NUP98: variants seen among roughly 807,000 people sequenced by gnomAD.
The protein encoded by NUP98 is nuclear pore complex protein Nup98-Nup96.
In NUP98, 26 loss-of-function variants were observed where a neutral mutation model predicts 191.9. The ratio of observed to expected loss-of-function variants is 0.14; its 90% CI spans 0.10 to 0.19. The LOEUF is 0.19. Ranked by LOEUF, NUP98 falls within the 10% of genes least tolerant of loss-of-function variation. NUP98 has a pLI of 1.00. For synonymous variants in NUP98, 808 were observed against 778.4 expected (o/e 1.04, Z -0.63); for missense variants, 1,941 against 2,178.8 (o/e 0.89, Z 2.17).
intron 31 of NUP98, among the ~76,000 whole-genome samples, chr11:3,679,135 A>C (rs530959476): frequency 6.6e-6 from 1 of 151,904 alleles, no homozygotes. Context: ...AAAAAAAAAA[A>C]AAAAAAAAAC....
intron 3 of NUP98, 32 bp from the exon 4 acceptor site, chr11:3,779,081 A>G: frequency 6.2e-7 from 1 of 1,613,910 alleles, no homozygotes; most frequent in Non-Finnish European, 8.5e-7. Flanking sequence ...GAAAAAGTTA[A>G]GTACATCAGA....
Position 3,719,436 on chromosome 11 carries a change from G to A in NUP98, c.2375C>T (p.Pro792Leu), listed in dbSNP as rs2079310443. The A allele has an allele frequency of 1.3e-6, 2 of 1,598,954 alleles. No individual in the cohort carries two copies. Among genetic ancestry groups the A allele is most frequent in the African/African-American group, 1.4e-5 (1 of 73,924 alleles). Residue 792 changes from proline to leucine, a missense_variant, in exon 18 of 33, where the codon CCA (proline) becomes CTA (leucine). By Grantham distance (98) the Pro-to-Leu change is moderately conservative (BLOSUM62 -3). Coordinates refer to ENST00000324932, the MANE Select transcript of NUP98 (RefSeq NM_016320.5). ...VVVYLDDNQK[P>L]PVGEGLNRKA... ...CCTATTTAGCCCTTCACCCACAGGTGGTTTTTGGTTATCATCTAAGTAGAC... is the reference window on the plus strand; with the variant it reads ...CCTATTTAGCCCTTCACCCACAGGTAGTTTTTGGTTATCATCTAAGTAGAC...
intron 18 of NUP98, among the ~76,000 whole-genome samples, chr11:3,715,135 T>C (rs981826861): frequency 3.3e-5 from 5 of 152,180 alleles, no homozygotes; most frequent in Non-Finnish European, 7.4e-5. Context: ...TTTCTCCACA[T>C]TGGCAGACAC....
At chr11:3,723,918 T>C (rs2079508338) in intron 15 of NUP98, among the ~76,000 whole-genome samples, 1 of 151,692 alleles carries the variant, frequency 6.6e-6, no homozygotes, top group Admixed American at 6.6e-5. Context: ...AAGCACTGTT[T>C]TGAGTACAGG....
intron 26 of NUP98, among the ~76,000 whole-genome samples, chr11:3,694,618 T>C (rs932118496): frequency 1.3e-5 from 2 of 151,926 alleles, no homozygotes; most frequent in Non-Finnish European, 2.9e-5. Flanking sequence ...CAGGTGCCTG[T>C]AGTCTCAGCT....
intron 1 of NUP98, among the ~76,000 whole-genome samples, chr11:3,789,116 T>C (rs766230211): frequency 6.6e-6 from 1 of 152,184 alleles, no homozygotes; most frequent in Non-Finnish European, 1.5e-5. Context: ...ACAATAGGGA[T>C]TGTACAGCCT....
chr11:3,748,676 A>C (rs2080604857), intron 11 of NUP98, among the ~76,000 whole-genome samples: 1 of 152,146 alleles, frequency 6.6e-6, no homozygotes, highest in Non-Finnish European at 1.5e-5. Context: ...CAAAAAAAGA[A>C]AAGCCTTCCT....
Position 3,683,277 on chromosome 11 carries a change from T to A in NUP98, c.4841A>T (p.His1614Leu), listed in dbSNP as rs2078031169. The A allele has an allele frequency of 6.2e-7, 1 of 1,614,012 alleles. No homozygotes were observed. The highest frequency in any genetic ancestry group is 1.3e-5 in the African/African-American group (1 of 74,904). Residue 1614 changes from histidine to leucine, a missense_variant, in exon 30 of 33, where the codon CAC becomes CTC. Coordinates refer to ENST00000324932, the MANE Select transcript of NUP98 (RefSeq NM_016320.5). The stretch of plus-strand genomic sequence containing the variant: ...CTTAAATAAGCAAAGGGCCTCTAAG[T>A]GCTTGTCAGATTCCATGTGTGCTCG... ...AVRAHMESDK[H>L]LEALCLFKAE...
At chr11:3,793,678 G>A (rs984980069) in intron 1 of NUP98, among the ~76,000 whole-genome samples, 3 of 151,994 alleles carry the variant, frequency 2.0e-5, no homozygotes, top group Non-Finnish European at 4.4e-5. Context: ...ATTCCTCAAT[G>A]TGGTAATTAT....
At chr11:3,792,990 A>C (rs984847321) in intron 1 of NUP98, among the ~76,000 whole-genome samples, 2 of 152,166 alleles carry the variant, frequency 1.3e-5, no homozygotes, top group Admixed American at 6.6e-5. Context: ...GTGCACCTGT[A>C]GTCCCAGCAA....
rs543145277 is a variant in NUP98 at position 3,707,643 on chromosome 11, C to T, written c.2743-1016G>A. Among the ~76,000 whole-genome samples the T allele has an allele frequency of 4.5e-4, 67 of 147,390 alleles. 2 individuals are homozygous for T. In the South Asian group the frequency reaches 0.014, roughly 31 times the overall value. On this transcript the variant is annotated intron_variant, in intron 20 of 32. Transcript: ENST00000324932. Reference sequence around the variant, plus strand: ...TGTGCCTGGGATTACAGGCACATGCCTATAATCCCAGCTACTCGGGAGGCA... The same window carrying T: ...TGTGCCTGGGATTACAGGCACATGCTTATAATCCCAGCTACTCGGGAGGCA...
At chr11:3,757,934 T>C (rs922169642) in intron 10 of NUP98, among the ~76,000 whole-genome samples, 1 of 152,166 alleles carries the variant, frequency 6.6e-6, no homozygotes, top group Non-Finnish European at 1.5e-5. Context: ...CAGATTATGA[T>C]AGTTTGTGGC....
intron 14 of NUP98, among the ~76,000 whole-genome samples, chr11:3,729,002 T>C (rs1357342611): frequency 6.6e-6 from 1 of 152,100 alleles, no homozygotes; most frequent in Admixed American, 6.5e-5. Context: ...TGAGACAGGT[T>C]TTGGGTAGAA....
chr11:3,712,768 A>T, intron 19 of NUP98, 40 bp from the exon 20 acceptor site: 1 of 1,591,286 alleles, frequency 6.3e-7, no homozygotes, highest in Non-Finnish European at 8.6e-7. Context: ...CTTAAACATT[A>T]TGCTTTCCCA....
intron 10 of NUP98, among the ~76,000 whole-genome samples, chr11:3,755,178 G>A (rs2080914720): frequency 6.6e-6 from 1 of 152,128 alleles, no homozygotes; most frequent in Admixed American, 6.6e-5. Context: ...ATAAAGCACT[G>A]GGCATGATGG....
chr11:3,770,459 C>T (rs181470740), intron 7 of NUP98, among the ~76,000 whole-genome samples: 37 of 151,526 alleles, frequency 2.4e-4, no homozygotes, highest in Admixed American at 2.0e-3. Context: ...GCATGAGTGA[C>T]GGGAGTAAGA....
At chr11:3,769,673 C>T (rs923805531) in intron 7 of NUP98, among the ~76,000 whole-genome samples, 1 of 151,384 alleles carries the variant, frequency 6.6e-6, no homozygotes, top group African/African-American at 2.4e-5. Flanking sequence ...CACTGGGAGG[C>T]TGAGACGGGT....
intron 11 of NUP98, among the ~76,000 whole-genome samples, chr11:3,750,654 GTC>G (rs2080714760): frequency 6.6e-6 from 1 of 151,414 alleles, no homozygotes; most frequent in South Asian, 2.1e-4. Flanking sequence ...TTAGGACAGC[GTC>G]TCATTCTGTT....
intron 23 of NUP98, among the ~76,000 whole-genome samples, chr11:3,701,151 C>A (rs764822900): frequency 6.6e-6 from 1 of 152,012 alleles, no homozygotes; most frequent in Middle Eastern, 3.4e-3. Context: ...ATACCTGTTT[C>A]TCAAATTATA....
Sources: gnomAD v4.1 joint callset for allele counts (sites outside exome capture counted in the v4.1 genomes callset) on GRCh38, gnomAD v4.1.1 for gene constraint, MANE v1.5 for transcripts, NCBI Gene and HGNC (gene_info 2026-07-23, HGNC 2026-07-21) for gene names.